The following AGBL1 variants were observed in gnomAD, a reference collection of about 807,000 sequenced individuals.
AGBL1 encodes the protein cytosolic carboxypeptidase 4.
In AGBL1, 130 loss-of-function variants were observed where a neutral mutation model predicts 118.9. The ratio of observed to expected loss-of-function variants is 1.09; its 90% confidence interval spans 0.95 to 1.26. The LOEUF (loss-of-function observed/expected upper bound fraction) is 1.26, where lower values mean the gene tolerates loss of function less well. AGBL1 is among the 50% of genes most tolerant of loss of function. The probability of loss-of-function intolerance (pLI) is 0.00; values close to 1 mark genes in which losing one functional copy is unlikely to be tolerated. For synonymous variants in AGBL1, 555 were observed against 478.9 expected (o/e 1.16, Z -2.08); for missense variants, 1,584 against 1,298.1 (o/e 1.22, Z -3.38).
At chr15:86,710,614 G>C (rs1331573337) in intron 22 of AGBL1, among the ~76,000 whole-genome samples, 1 of 152,142 alleles carries the variant, frequency 6.6e-6, no homozygotes, top group Non-Finnish European at 1.5e-5. Flanking sequence ...GAGGAAACAA[G>C]TAAATGCAAT....
intron 22 of AGBL1, among the ~76,000 whole-genome samples, chr15:86,840,616 T>C (rs2079231555): frequency 6.6e-6 from 1 of 152,082 alleles, no homozygotes; most frequent in African/African-American, 2.4e-5. Flanking sequence ...AAGCTAATTT[T>C]GTATTTTTAG....
chr15:86,124,152 C>G (rs996539331), intron 1 of AGBL1, among the ~76,000 whole-genome samples: 1 of 151,876 alleles, frequency 6.6e-6, no homozygotes, highest in Non-Finnish European at 1.5e-5. Context: ...CAACATGGTG[C>G]AATCCCATCT....
chr15:86,434,700 T>A (rs1346728893), intron 18 of AGBL1, among the ~76,000 whole-genome samples: 2 of 152,216 alleles, frequency 1.3e-5, no homozygotes, highest in African/African-American at 2.4e-5. Context: ...TTCTACCTGC[T>A]GCCAAAATAT....
At chr15:86,537,707 T>A (rs1373281127) in intron 19 of AGBL1, among the ~76,000 whole-genome samples, 1 of 152,208 alleles carries the variant, frequency 6.6e-6, no homozygotes, top group Non-Finnish European at 1.5e-5. Flanking sequence ...CTGATTAGAG[T>A]TTGAGATATC....
chr15:86,191,295 C>G (rs1202719607), intron 5 of AGBL1, among the ~76,000 whole-genome samples: 1 of 131,496 alleles, frequency 7.6e-6, no homozygotes, highest in African/African-American at 3.1e-5. Flanking sequence ...TTGTGGTGAG[C>G]CAAGATTGCA....
intron 21 of AGBL1, among the ~76,000 whole-genome samples, chr15:86,629,126 C>A (rs1306149784): frequency 1.3e-5 from 2 of 152,192 alleles, no homozygotes. Flanking sequence ...AGCTGACTAA[C>A]ATCTTCCCAT....
intron 17 of AGBL1, among the ~76,000 whole-genome samples, chr15:86,364,992 C>T (rs1384422006): frequency 0.098 from 7,566 of 77,462 alleles, 633 homozygotes; most frequent in Non-Finnish European, 0.14. Flanking sequence ...TATATATACA[C>T]ACACACATAT....
intron 18 of AGBL1, among the ~76,000 whole-genome samples, chr15:86,431,899 C>T (rs1394099781): frequency 6.6e-6 from 1 of 152,146 alleles, no homozygotes; most frequent in African/African-American, 2.4e-5. Context: ...TCCCCTCCCT[C>T]CAGCAGACCT....
At chr15:86,267,675 A>C (rs2079096153) in intron 13 of AGBL1, among the ~76,000 whole-genome samples, 1 of 152,206 alleles carries the variant, frequency 6.6e-6, no homozygotes, top group South Asian at 2.1e-4. Flanking sequence ...GTACAAACTA[A>C]AAGAAAGGAA....
chr15:86,326,368 T>C (rs950944721), intron 17 of AGBL1, among the ~76,000 whole-genome samples: 4 of 152,190 alleles, frequency 2.6e-5, no homozygotes, highest in East Asian at 1.9e-4. Flanking sequence ...CATTACATTC[T>C]TTTTTTACTT....
At chr15:86,820,988 T>C (rs2078934922) in intron 22 of AGBL1, among the ~76,000 whole-genome samples, 1 of 152,158 alleles carries the variant, frequency 6.6e-6, no homozygotes, top group Non-Finnish European at 1.5e-5. Flanking sequence ...CACCGTGGAA[T>C]ACTACGGAGC....
intron 17 of AGBL1, among the ~76,000 whole-genome samples, chr15:86,322,804 TG>T (rs1200274390): frequency 6.6e-6 from 1 of 152,214 alleles, no homozygotes; most frequent in African/African-American, 2.4e-5. Context: ...AAAACCAGCT[TG>T]GGGATATACA....
At chr15:86,488,181 A>C (rs961089382) in intron 18 of AGBL1, among the ~76,000 whole-genome samples, 1 of 152,038 alleles carries the variant, frequency 6.6e-6, no homozygotes, top group African/African-American at 2.4e-5. Flanking sequence ...TCCTATATGT[A>C]TAAAAATGAT....
chr15:86,572,176 C>T (rs1437716989), intron 21 of AGBL1, among the ~76,000 whole-genome samples: 1 of 152,130 alleles, frequency 6.6e-6, no homozygotes, highest in Non-Finnish European at 1.5e-5. Context: ...CACTTCCGGG[C>T]CCGCAGGGGG....
intron 21 of AGBL1, among the ~76,000 whole-genome samples, chr15:86,576,377 G>GA (rs575517503): frequency 7.8e-4 from 118 of 151,214 alleles, no homozygotes; most frequent in Non-Finnish European, 1.5e-3. Flanking sequence ...CACTGTCACT[G>GA]AAAAAAAAAT....
chr15:86,707,491 G>GT (rs2086473477), intron 22 of AGBL1, among the ~76,000 whole-genome samples: 1 of 152,060 alleles, frequency 6.6e-6, no homozygotes, highest in Non-Finnish European at 1.5e-5. Context: ...ACTCTGCCAC[G>GT]TTTGCACACA....
chr15:86,124,329 C>CA (rs71144030), intron 1 of AGBL1, among the ~76,000 whole-genome samples: 5,408 of 92,818 alleles, frequency 0.058, 223 homozygotes, highest in African/African-American at 0.1. Context: ...GACTCTGTCT[C>CA]AAAAAAAAAA....
chr15:86,413,930 C>T (rs2081655363), intron 18 of AGBL1, among the ~76,000 whole-genome samples: 1 of 151,970 alleles, frequency 6.6e-6, no homozygotes, highest in Non-Finnish European at 1.5e-5. Context: ...CCTAACTGTC[C>T]ATCAATGGAT....
chr15:86,849,969 T>A (rs1428841883), intron 22 of AGBL1, among the ~76,000 whole-genome samples: 2 of 152,244 alleles, frequency 1.3e-5, no homozygotes, highest in Admixed American at 1.3e-4. Flanking sequence ...AAATTGTTAA[T>A]CTTTCCATTC....
Sources: gnomAD v4.1 joint callset for allele counts (sites outside exome capture counted in the v4.1 genomes callset) on GRCh38, gnomAD v4.1.1 for gene constraint, MANE v1.5 for transcripts, NCBI Gene and HGNC (gene_info 2026-07-23, HGNC 2026-07-21) for gene names.